Variants in USP31 observed in about 807,000 individuals in gnomAD.
USP31 encodes ubiquitin specific peptidase 31, also known as ubiquitin carboxyl-terminal hydrolase 31.
USP31 carries 44 observed loss-of-function variants against 119.4 expected under a neutral mutation model. That is an observed-to-expected ratio of 0.37 (90% CI 0.29 to 0.47). The LOEUF is 0.47. Ranked by LOEUF, USP31 falls within the 20% of genes least tolerant of loss-of-function variation. The pLI is 0.99. For synonymous variants in USP31, 749 were observed against 705.6 expected (o/e 1.06, Z -0.97); for missense variants, 1,643 against 1,730.2 (o/e 0.95, Z 0.89).
intron 1 of USP31, among the ~76,000 whole-genome samples, chr16:23,139,012 C>T (rs1903272279): frequency 6.6e-6 from 1 of 152,226 alleles, no homozygotes; most frequent in East Asian, 1.9e-4. Flanking sequence ...TAATGCAGGA[C>T]CAGCACAGAA....
At chr16:23,129,502 T>C (rs1902962311) in intron 1 of USP31, among the ~76,000 whole-genome samples, 1 of 152,150 alleles carries the variant, frequency 6.6e-6, no homozygotes, top group African/African-American at 2.4e-5. Flanking sequence ...ATGGGTGAAA[T>C]ACATTTGGAA....
chr16:23,102,861 T>A (rs1373024724), intron 5 of USP31, among the ~76,000 whole-genome samples: 1 of 152,230 alleles, frequency 6.6e-6, no homozygotes, highest in Non-Finnish European at 1.5e-5. Flanking sequence ...CTGGAGATGA[T>A]TTAAAGTATA....
intron 1 of USP31, among the ~76,000 whole-genome samples, chr16:23,137,519 T>C (rs924082825): frequency 1.3e-5 from 2 of 152,096 alleles, no homozygotes; most frequent in African/African-American, 4.8e-5. Flanking sequence ...TATATGGTGG[T>C]ATCACATTGA....
At position 23,137,650 on chromosome 16, in the gene USP31, C is replaced by G. The variant is rs554553745; in HGVS notation, c.633+10988G>C. Among the ~76,000 whole-genome samples the G allele has an allele frequency of 2.7e-5, 4 of 150,410 alleles. No homozygotes were observed. The East Asian group carries it at 7.8e-4, about 29-fold the overall frequency. Reference sequence around the variant, plus strand: ...ATATATACATATAACATAACACATGCGACATAATATAACACATGAGAAATC... The same window carrying G: ...ATATATACATATAACATAACACATGGGACATAATATAACACATGAGAAATC... On this transcript the variant is annotated intron_variant, in intron 1 of 15. Transcript: ENST00000219689.
intron 1 of USP31, among the ~76,000 whole-genome samples, chr16:23,138,745 C>T (rs1168426821): frequency 6.6e-6 from 1 of 151,978 alleles, no homozygotes; most frequent in Non-Finnish European, 1.5e-5. Context: ...GGTTTGCTGC[C>T]CTGCAAAGGA....
intron 11 of USP31, among the ~76,000 whole-genome samples, chr16:23,084,575 T>C (rs983549615): frequency 6.6e-6 from 1 of 152,330 alleles, no homozygotes; most frequent in East Asian, 1.9e-4. Flanking sequence ...TTAAAACTTC[T>C]AAATTGAGAA....
At chr16:23,087,952 C>T (rs777500221) in intron 7 of USP31, 117 bp from the exon 8 acceptor site, 22 of 807,352 alleles carry the variant, frequency 2.7e-5, no homozygotes, top group Non-Finnish European at 3.5e-5. Context: ...TAGGACAGTT[C>T]TCAAAATAAA....
chr16:23,108,302 G>C, intron 1 of USP31, 119 bp from the exon 2 acceptor site: 1 of 1,369,570 alleles, frequency 7.3e-7, no homozygotes, highest in Non-Finnish European at 9.7e-7. Flanking sequence ...ATACTTCCCA[G>C]AAGGAGTGCA....
At chr16:23,109,588 G>A (rs1406416272) in intron 1 of USP31, among the ~76,000 whole-genome samples, 4 of 152,166 alleles carry the variant, frequency 2.6e-5, no homozygotes, top group Non-Finnish European at 4.4e-5. Flanking sequence ...GCTTGTGATA[G>A]TGACTTACTT....
At chr16:23,101,991 A>C (rs945004921) in intron 6 of USP31, among the ~76,000 whole-genome samples, 1 of 150,420 alleles carries the variant, frequency 6.6e-6, no homozygotes, top group African/African-American at 2.4e-5. Context: ...AAAAAAAAAA[A>C]AAAACCTATG....
intron 1 of USP31, among the ~76,000 whole-genome samples, chr16:23,111,148 T>C (rs12933261): frequency 1.3e-5 from 2 of 151,480 alleles, no homozygotes; most frequent in Non-Finnish European, 2.9e-5. Context: ...AAATAAATAA[T>C]TAATTAAATA....
intron 14 of USP31, chr16:23,072,574 G>GT (rs1419186585): frequency 1.9e-6 from 1 of 513,474 alleles, no homozygotes; most frequent in Admixed American, 3.7e-5. Context: ...AGCAATTGCA[G>GT]TAATATTTCT....
intron 8 of USP31, 76 bp from the exon 9 acceptor site, chr16:23,087,262 C>G (rs1901151395): frequency 7.7e-7 from 1 of 1,301,690 alleles, no homozygotes; most frequent in Admixed American, 1.9e-5. Context: ...ATTTCCAAAA[C>G]AGATTAGAGT....
Position 23,073,864 on chromosome 16 carries a change from A to G in USP31, c.2193T>C (p.Ser731=), listed in dbSNP as rs748410509. ...CGAAGCAGTACCAGAGGCCGTCCAC[A>G]GAGTTCTTACAGTACGCTGCCAAAG... ...GGHYTAYCKN[S]VDGLWYCFDD... Residue 731 remains serine (S), a synonymous_variant, in exon 14 of 16, where the codon TCT becomes TCC. Coordinates refer to ENST00000219689, the MANE Select transcript of USP31 (RefSeq NM_020718.4). 22 of 1,614,112 alleles carry G rather than the reference A, an allele frequency of 1.4e-5. No individual in the cohort carries two copies. In the Admixed American group the frequency reaches 3.7e-4, roughly 27 times the overall value.
chr16:23,128,946 C>T (rs1902948206), intron 1 of USP31, among the ~76,000 whole-genome samples: 1 of 152,136 alleles, frequency 6.6e-6, no homozygotes. Flanking sequence ...CGTTGCCAGT[C>T]CATGATGAGA....
chr16:23,093,925 T>C (rs1028094792), intron 6 of USP31, among the ~76,000 whole-genome samples: 10 of 152,186 alleles, frequency 6.6e-5, no homozygotes, highest in African/African-American at 2.4e-4. Flanking sequence ...GCTCCCAGCA[T>C]GATCGATGCA....
chr16:23,148,466 A>T (rs537891725), intron 1 of USP31, among the ~76,000 whole-genome samples, 172 bp downstream of exon 1: 12 of 152,336 alleles, frequency 7.9e-5, no homozygotes, highest in Middle Eastern at 3.4e-3. Context: ...TGAGTGAATA[A>T]ATGAATGAAT....
intron 9 of USP31, among the ~76,000 whole-genome samples, chr16:23,086,343 ATTT>A (rs975071958): frequency 3.3e-5 from 5 of 152,008 alleles, no homozygotes; most frequent in African/African-American, 1.2e-4. Flanking sequence ...CATTATAATA[ATTT>A]TTATTATAAA....
chr16:23,111,136 AT>A (rs1377356888), intron 1 of USP31, among the ~76,000 whole-genome samples: 4 of 152,232 alleles, frequency 2.6e-5, no homozygotes, highest in African/African-American at 9.6e-5. Flanking sequence ...TCAAAAATAA[AT>A]AAATAAATAA....
Sources: allele counts gnomAD v4.1 joint callset (sites outside exome capture counted in the v4.1 genomes callset), GRCh38; gene constraint gnomAD v4.1.1; transcripts MANE v1.5; gene names NCBI Gene and HGNC (gene_info 2026-07-23, HGNC 2026-07-21).